Variants in CFAP46 observed in about 807,000 individuals in gnomAD.
The protein encoded by CFAP46 is cilia and flagella associated protein 46.
In CFAP46, 245 loss-of-function variants were observed where a neutral mutation model predicts 325.7. The observed-to-expected ratio is 0.75, with a 90% CI of 0.68 to 0.84. The LOEUF is 0.84. Ranked by LOEUF, CFAP46 falls within the 40% of genes least tolerant of loss-of-function variation. The pLI is 0.00. For missense variants in CFAP46, 3,346 were observed against 3,543.0 expected, an observed-to-expected ratio of 0.94 and a Z score of 1.41; for synonymous variants, 1,523 against 1,495.9, an observed-to-expected ratio of 1.02 and a Z score of -0.42.
rs1173046654 is a variant in CFAP46 at position 132,919,780 on chromosome 10, T to C, written c.1730+279A>G. Among the ~76,000 whole-genome samples the C allele has an allele frequency of 6.6e-6, 1 of 152,096 alleles. No homozygotes were observed. The highest frequency in any genetic ancestry group is 1.5e-5 in the Non-Finnish European group (1 of 67,992). On this transcript the variant is annotated intron_variant, in intron 14 of 57. Transcript: ENST00000368586. The surrounding 1 kb of genome is among the most constrained non-coding windows in gnomAD (Gnocchi z 9.7). ...GTCGGTACCAAAAATCAGCCTGCTC[T>C]GGTCACAGGCGCTGCGTGTCCTCCG...
chr10:132,912,820 C>T lies in CFAP46; in HGVS notation c.2334G>A (p.Gly778=). The T allele has an allele frequency of 6.5e-7, 1 of 1,548,390 alleles. No homozygotes were observed. The highest frequency in any genetic ancestry group is 1.4e-5 in the African/African-American group (1 of 73,136). The change falls in exon 19 of 58, where the codon GGG becomes GGA. Residue 778 remains glycine, a splice_region_variant and synonymous_variant. Transcript: ENST00000368586. ...LSIVKATGHS[G]DPVMLVTLCN... is the part of the protein sequence containing the mutation. ...AGAGCGTCACCAGCATCACGGGGTC[C>T]CTGGGAGACATGCTTGTCAGAGGGA... is the stretch of plus-strand genomic sequence containing the variant.
rs752409511 is a variant in CFAP46, at chr10:132,847,444, C to T, written c.5953-123G>A. The T allele has an allele frequency of 3.5e-5, 41 of 1,171,366 alleles. No homozygotes were observed. Among genetic ancestry groups the T allele is most frequent in the South Asian group, 2.7e-4 (20 of 73,146 alleles). The allele number at this position is 1,171,366 out of a possible 1,614,324, so 72.6% of individuals were successfully genotyped here. Reference sequence around the variant, plus strand: ...AGCAGGGTCCCCGGGTAGGGGGTACCGCAGGCCACAGCATGGCCTCTCACT... The same window carrying T: ...AGCAGGGTCCCCGGGTAGGGGGTACTGCAGGCCACAGCATGGCCTCTCACT... On this transcript the variant is annotated intron_variant, in intron 41 of 57. Transcript: ENST00000368586. The surrounding 1 kb of genome is among the most constrained non-coding windows in gnomAD (Gnocchi z 5.2).
In CFAP46 at chr10:132,876,982, G is replaced by A; in HGVS notation, c.4213-21C>T. The A allele has an allele frequency of 1.3e-6, 2 of 1,546,890 alleles. No homozygotes were observed. The highest frequency in any genetic ancestry group is 1.7e-6 in the Non-Finnish European group (2 of 1,145,006). On this transcript the variant is annotated intron_variant, in intron 30 of 57. Transcript: ENST00000368586. The surrounding 1 kb of genome is among the most constrained non-coding windows in gnomAD (Gnocchi z 4.1). ...TGAGACTAGAAAGGCAAGAATACAGGATTTACCTGAAACGGTGGAGGTGAA... is the reference window on the plus strand; with the variant it reads ...TGAGACTAGAAAGGCAAGAATACAGAATTTACCTGAAACGGTGGAGGTGAA...
chr10:132,871,181 C>G (rs191548583), intron 32 of CFAP46, among the ~76,000 whole-genome samples: 4 of 152,356 alleles, frequency 2.6e-5, no homozygotes, highest in African/African-American at 7.2e-5. Context: ...ACCTACTGCT[C>G]AGAAAAACAG....
chr10:132,841,080 A>G (rs1368687244), intron 44 of CFAP46, among the ~76,000 whole-genome samples: 1 of 152,196 alleles, frequency 6.6e-6, no homozygotes, highest in African/African-American at 2.4e-5. Flanking sequence ...CATTCAAACC[A>G]TAGCATTCTG....
At chr10:132,825,990 G>C (rs1169250697) in intron 50 of CFAP46, among the ~76,000 whole-genome samples, 1 of 151,432 alleles carries the variant, frequency 6.6e-6, no homozygotes, top group African/African-American at 2.4e-5. Flanking sequence ...GCAGGAACCA[G>C]AGCCACAGAG....
chr10:132,819,806 T>C (rs1250661628), intron 50 of CFAP46, among the ~76,000 whole-genome samples: 1 of 152,180 alleles, frequency 6.6e-6, no homozygotes, highest in Non-Finnish European at 1.5e-5. Flanking sequence ...AAACACAGGA[T>C]AAAAGCTCCT....
intron 27 of CFAP46, among the ~76,000 whole-genome samples, chr10:132,882,706 C>T (rs960243247): frequency 1.1e-4 from 17 of 151,892 alleles, no homozygotes; most frequent in African/African-American, 3.9e-4. Context: ...GCCCTTAGCC[C>T]GGGGCCTCCT....
At chr10:132,930,171 C>T (rs1849871496) in intron 8 of CFAP46, among the ~76,000 whole-genome samples, 1 of 152,150 alleles carries the variant, frequency 6.6e-6, no homozygotes. Flanking sequence ...CTCAGACCCA[C>T]ATCTGCAGCT....
intron 50 of CFAP46, among the ~76,000 whole-genome samples, chr10:132,825,949 G>A (rs9665659): frequency 0.34 from 50,863 of 148,534 alleles, 9,868 homozygotes; most frequent in Admixed American, 0.51. Flanking sequence ...GGTGGAACAC[G>A]GCCGGCCACA....
Position 132,866,033 on chromosome 10 carries a change from C to A in CFAP46, c.4882G>T (p.Ala1628Ser). The A allele has an allele frequency of 6.6e-7, 1 of 1,509,086 alleles. No individual in the cohort carries two copies. Among genetic ancestry groups the A allele is most frequent in the Non-Finnish European group, 8.9e-7 (1 of 1,125,352 alleles). 93.5% of individuals were successfully genotyped at this position (1,509,086 alleles called of 1,614,324 possible). Residue 1628 changes from alanine to serine, a missense_variant, in exon 35 of 58, where the codon GCT (alanine) becomes TCT (serine). Physicochemically the swap from Ala to Ser is moderately conservative, Grantham distance 99. Transcript: ENST00000368586. Reference protein sequence around the residue: ...ARLLLSEAYLAFQELDEPCAE... With the variant: ...ARLLLSEAYLSFQELDEPCAE... ...TGGGAGGGGCTCCTCACCTGGAAAG[C>A]CAGGTAAGCCTCCGACAGGAGCAGC...
chr10:132,933,019 A>G (rs1159613597), intron 8 of CFAP46, among the ~76,000 whole-genome samples: 1 of 152,182 alleles, frequency 6.6e-6, no homozygotes, highest in Non-Finnish European at 1.5e-5. Flanking sequence ...GCAGGTCTAC[A>G]TGTCTTCTGC....
intron 39 of CFAP46, among the ~76,000 whole-genome samples, chr10:132,851,942 C>T (rs1445470993): frequency 1.3e-5 from 2 of 151,530 alleles, no homozygotes; most frequent in Non-Finnish European, 2.9e-5. Context: ...TCCTGATCCA[C>T]AGACGTGGTA....
chr10:132,854,055 G>A (rs1003153818), intron 39 of CFAP46, among the ~76,000 whole-genome samples: 1 of 151,930 alleles, frequency 6.6e-6, no homozygotes, highest in Non-Finnish European at 1.5e-5. Context: ...GCTTATTTGG[G>A]AACTGAGTTT....
In CFAP46 at chr10:132,843,827, G is replaced by A. The variant is rs12265308; in HGVS notation, c.6438+2230C>T. 1.6e-3 allele frequency among the ~76,000 whole-genome samples: 145 copies of A among 92,352 alleles called. 1 individual carries two copies. Among genetic ancestry groups the A allele is most frequent in the Non-Finnish European group, 1.8e-3 (77 of 42,298 alleles). The allele number at this position is 92,352 out of a possible 152,430, so 60.6% of individuals were successfully genotyped here. A position where few individuals can be genotyped will look rare whatever the true frequency, so the allele number is the denominator to read the frequency against. On this transcript the variant is annotated intron_variant, in intron 44 of 57. Transcript: ENST00000368586. ...TCGGTGGGTGTTCCCAGGGTGCTGT[G>A]GGGCTGTGGTCTCGGTGGGTGTTCC...
intron 23 of CFAP46, 79 bp from the exon 24 acceptor site, chr10:132,899,200 CG>C: frequency 6.8e-7 from 1 of 1,465,362 alleles, no homozygotes; most frequent in East Asian, 2.5e-5. Flanking sequence ...ACAGGAAGGT[CG>C]GGCGCCCAGG....
chr10:132,880,934 G>A lies in CFAP46; in HGVS notation c.3726C>T (p.Leu1242=). 1 of 1,550,510 alleles carries A rather than the reference G, an allele frequency of 6.4e-7. No individual in the cohort carries two copies. The change falls in exon 28 of 58, where the codon CTC becomes CTT. Residue 1242 remains leucine (L), a synonymous_variant. Coordinates refer to ENST00000368586, the MANE Select transcript of CFAP46 (RefSeq NM_001200049.3). ...CCAGCAGGATCTCGACAGCCCAGCG[G>A]AGGTGGAAGACCACGTCCTCGAGAG... ...HFPLEDVVFH[L]RWAVEILLAM...
At chr10:132,874,878 C>A (rs1434715418) in intron 31 of CFAP46, among the ~76,000 whole-genome samples, 1 of 152,164 alleles carries the variant, frequency 6.6e-6, no homozygotes, top group Non-Finnish European at 1.5e-5. Context: ...TAGATGTTAT[C>A]ACCATTTTCA....
In CFAP46 at chr10:132,936,984, A is replaced by G; in HGVS notation, c.732T>C (p.Thr244=). 1 of 1,546,160 alleles carries G rather than the reference A, an allele frequency of 6.5e-7. No homozygotes were observed. The highest frequency in any genetic ancestry group is 8.8e-7 in the Non-Finnish European group (1 of 1,137,096). The change falls in exon 7 of 58, where the codon ACT becomes ACC. Residue 244 remains threonine (T), a synonymous_variant. Transcript: ENST00000368586. ...EKKNSISLSV[T]FYINMLKAKA... is the part of the protein sequence containing the mutation. ...ACGCCTTTAGCATATTAATATAGAA[A>G]GTGACTGACAGGCTAATGGAATTTT...
Sources: gnomAD v4.1 joint callset for allele counts (sites outside exome capture counted in the v4.1 genomes callset) on GRCh38, gnomAD v4.1.1 for gene constraint, Gnocchi (gnomAD v3.1) non-coding constraint, MANE v1.5 for transcripts, NCBI Gene and HGNC (gene_info 2026-07-23, HGNC 2026-07-21) for gene names.